The following NEIL3 variants were observed in gnomAD, a reference collection of about 807,000 sequenced individuals.
NEIL3 encodes the protein nei like DNA glycosylase 3, also known as endonuclease 8-like 3.
A neutral mutation model predicts 57.5 loss-of-function variants in NEIL3; 48 were observed. The ratio of observed to expected loss-of-function variants is 0.83; its 90% CI spans 0.66 to 1.06. The LOEUF (loss-of-function observed/expected upper bound fraction) is 1.06. NEIL3 is among the 50% of genes least tolerant of loss of function. The pLI is 0.00. For synonymous variants in NEIL3, 261 were observed against 253.2 expected, an observed-to-expected ratio of 1.03 and a Z score of -0.29; for missense variants, 717 against 739.1, an observed-to-expected ratio of 0.97 and a Z score of 0.35.
rs140960594 is a variant in NEIL3, at chr4:177,355,932, T to C, written c.1460+2204T>C. On this transcript the variant is annotated intron_variant, in intron 8 of 9. Transcript: ENST00000264596. ...TTTAACTTTTGTTCATATACTCACA[T>C]TTGAAGTAAGCTAAGGGGGCTAAAC... 1.2e-4 allele frequency among the ~76,000 whole-genome samples: 19 copies of C among 152,278 alleles called. No homozygotes were observed. In the East Asian group the frequency reaches 3.7e-3, roughly 29 times the overall value.
At chr4:177,356,885 T>C (rs764199924) in intron 8 of NEIL3, 12 of 152,236 alleles carry the variant, frequency 7.9e-5, no homozygotes, top group Non-Finnish European at 1.5e-4. Flanking sequence ...AACACAGTGA[T>C]GCAGTTTCAA....
intron 2 of NEIL3, among the ~76,000 whole-genome samples, chr4:177,329,162 T>C (rs1288562776): frequency 6.6e-6 from 1 of 152,056 alleles, no homozygotes; most frequent in Non-Finnish European, 1.5e-5. Flanking sequence ...GTTTTAAAAA[T>C]GCTCAATCCA....
At chr4:177,321,619 C>G (rs935570784) in intron 1 of NEIL3, among the ~76,000 whole-genome samples, 1 of 152,042 alleles carries the variant, frequency 6.6e-6, no homozygotes, top group Admixed American at 6.5e-5. Context: ...ATAATTTCCT[C>G]GAATATCTTA....
intron 2 of NEIL3, among the ~76,000 whole-genome samples, chr4:177,333,005 C>G (rs1474516063): frequency 6.6e-6 from 1 of 151,876 alleles, no homozygotes; most frequent in East Asian, 1.9e-4. Context: ...CTTCTGCATC[C>G]TAAGTAGTAG....
chr4:177,336,332 A>G lies in NEIL3; in HGVS notation c.627+11A>G, dbSNP rs778518433. ...CACCCAGCTGTTAAAGTAAGTTTTA[A>G]GTATTTTTTTAATTATCTGTTGATT... On this transcript the variant is annotated intron_variant, in intron 4 of 9. Coordinates refer to ENST00000264596, the MANE Select transcript of NEIL3 (RefSeq NM_018248.3). 20 of 1,608,190 alleles carry G rather than the reference A, an allele frequency of 1.2e-5. No homozygotes were observed. Among genetic ancestry groups the G allele is most frequent in the East Asian group, 2.2e-5 (1 of 44,834 alleles).
At chr4:177,342,178 C>T (rs1487893647) in intron 6 of NEIL3, among the ~76,000 whole-genome samples, 1 of 152,182 alleles carries the variant, frequency 6.6e-6, no homozygotes, top group Non-Finnish European at 1.5e-5. Flanking sequence ...TGGGCTAAAA[C>T]TCCATTGATC....
At chr4:177,366,064 A>G (rs533285059), downstream of NEIL3, among the ~76,000 whole-genome samples, 3 of 152,222 alleles carry the variant, frequency 2.0e-5, no homozygotes, top group Non-Finnish European at 4.4e-5. Flanking sequence ...AGTGAATGCT[A>G]GAGGGAAATA....
At chr4:177,311,518 T>C (rs2111107021) in intron 1 of NEIL3, among the ~76,000 whole-genome samples, 1 of 151,248 alleles carries the variant, frequency 6.6e-6, no homozygotes, top group East Asian at 2.0e-4. Context: ...CCTACAAAAA[T>C]AAAAAATTAG....
intron 1 of NEIL3, among the ~76,000 whole-genome samples, chr4:177,317,975 C>G (rs530615104): frequency 5.1e-4 from 77 of 152,250 alleles, no homozygotes; most frequent in African/African-American, 1.7e-3. Flanking sequence ...CCTTTGATGC[C>G]TTGAGGCATA....
Position 177,353,667 on chromosome 4 carries a change from C to A in NEIL3, c.1399C>A (p.Pro467Thr), listed in dbSNP as rs768133212. ...ATTATTTAGTCCAGCACATAAAAAA[C>A]CGAAAACAGCCCAATACTCATCACC... ...SKLFSPAHKK[P>T]KTAQYSSPEL... The change falls in exon 8 of 10, where the codon CCG (proline) becomes ACG (threonine). Residue 467 changes from proline to threonine, a missense_variant. Pro to Thr is a conservative substitution (Grantham distance 38, BLOSUM62 -1). Coordinates refer to ENST00000264596, the MANE Select transcript of NEIL3 (RefSeq NM_018248.3). 5.0e-6 allele frequency: 8 copies of A among 1,613,702 alleles called. No homozygotes were observed. The highest frequency in any genetic ancestry group is 4.5e-5 in the East Asian group (2 of 44,892).
At chr4:177,314,474 T>C (rs1734536035) in intron 1 of NEIL3, among the ~76,000 whole-genome samples, 1 of 152,226 alleles carries the variant, frequency 6.6e-6, no homozygotes. Context: ...TGTAAAATTC[T>C]TAGCTTAGTA....
intron 2 of NEIL3, among the ~76,000 whole-genome samples, chr4:177,327,565 C>T (rs1490676132): frequency 2.6e-5 from 4 of 152,094 alleles, no homozygotes; most frequent in African/African-American, 9.7e-5. Flanking sequence ...AGTGTTTGTC[C>T]TAATGCTCTC....
At position 177,353,889 on chromosome 4, in the gene NEIL3, C is replaced by A. The variant is rs35117157; in HGVS notation, c.1460+161C>A. ...CAAGCGATTCTCCTGCCTCAGCCTC[C>A]CAAGTAGCTGAGATTACAGGCACAT... is the stretch of plus-strand genomic sequence containing the variant. On this transcript the variant is annotated intron_variant, in intron 8 of 9. Coordinates refer to ENST00000264596, the MANE Select transcript of NEIL3 (RefSeq NM_018248.3). The A allele has an allele frequency of 1.6e-5, 10 of 633,012 alleles. No homozygotes were observed. The Admixed American group carries it at 3.1e-4, about 20-fold the overall frequency. 39.2% of individuals were successfully genotyped at this position (633,012 alleles called of 1,614,324 possible).
intron 8 of NEIL3, among the ~76,000 whole-genome samples, chr4:177,359,289 C>T (rs989135499): frequency 6.6e-6 from 1 of 152,154 alleles, no homozygotes; most frequent in African/African-American, 2.4e-5. Flanking sequence ...TTACAAATGG[C>T]TATTGAAGAA....
In NEIL3 at chr4:177,362,518, G is replaced by A. The variant is rs1397288563; in HGVS notation, c.*47G>A. 9 of 1,403,546 alleles carry A rather than the reference G, an allele frequency of 6.4e-6. No individual in the cohort carries two copies. Among genetic ancestry groups the A allele is most frequent in the Middle Eastern group, 1.9e-4 (1 of 5,140 alleles). The allele number at this position is 1,403,546 out of a possible 1,614,324, so 86.9% of individuals were successfully genotyped here. On this transcript the variant is annotated 3_prime_UTR_variant, in exon 10 of 10. Coordinates refer to ENST00000264596, the MANE Select transcript of NEIL3 (RefSeq NM_018248.3). ...TTAGTCTCTTCAAACTGTGTATAAT[G>A]TTTGGTCCTCCTCTGTTTCATAGAA...
chr4:177,317,155 C>T (rs1196655028), intron 1 of NEIL3, among the ~76,000 whole-genome samples: 1 of 152,240 alleles, frequency 6.6e-6, no homozygotes, highest in East Asian at 1.9e-4. Context: ...ATGTATGTTA[C>T]AATATTAACA....
At chr4:177,366,472 C>T (rs1407055658), downstream of NEIL3, among the ~76,000 whole-genome samples, 2 of 152,196 alleles carry the variant, frequency 1.3e-5, no homozygotes, top group Non-Finnish European at 2.9e-5. Context: ...AATCTCGGCT[C>T]ACTGCAACCT....
chr4:177,348,658 G>A (rs141748226), intron 6 of NEIL3, among the ~76,000 whole-genome samples: 2 of 152,106 alleles, frequency 1.3e-5, no homozygotes, highest in African/African-American at 4.8e-5. Flanking sequence ...GTCAAGCCAT[G>A]GAAAGTTAAA....
At chr4:177,355,207 CAT>C (rs1413648627) in intron 8 of NEIL3, among the ~76,000 whole-genome samples, 7 of 152,118 alleles carry the variant, frequency 4.6e-5, no homozygotes, top group Admixed American at 4.6e-4. Context: ...GAATTTATAA[CAT>C]ATAAATGGAG....
Sources: gnomAD v4.1 joint callset for allele counts (sites outside exome capture counted in the v4.1 genomes callset) on GRCh38, gnomAD v4.1.1 for gene constraint, MANE v1.5 for transcripts, NCBI Gene and HGNC (gene_info 2026-07-23, HGNC 2026-07-21) for gene names.